Variants in WASF3 observed in about 807,000 individuals in gnomAD.
The protein encoded by WASF3 is actin-binding protein WASF3.
WASF3 carries 11 observed loss-of-function variants against 46.6 expected under a neutral mutation model. The observed-to-expected ratio is 0.24, with a 90% CI of 0.15 to 0.39. The LOEUF is 0.39. Ranked by LOEUF, WASF3 falls within the 10% of genes least tolerant of loss-of-function variation. The pLI is 1.00. For synonymous variants in WASF3, 242 were observed against 259.7 expected, an observed-to-expected ratio of 0.93 and a Z score of 0.65; for missense variants, 576 against 669.8, an observed-to-expected ratio of 0.86 and a Z score of 1.55.
intron 3 of WASF3, among the ~76,000 whole-genome samples, chr13:26,645,950 T>A (rs1882138429): frequency 6.6e-6 from 1 of 152,226 alleles, no homozygotes; most frequent in South Asian, 2.1e-4. Context: ...ATGTAAGAAC[T>A]GAAGTTACAG....
chr13:26,663,436 A>G (rs1360485180), intron 3 of WASF3, among the ~76,000 whole-genome samples: 1 of 152,176 alleles, frequency 6.6e-6, no homozygotes, highest in Non-Finnish European at 1.5e-5. Flanking sequence ...CCTTTGTGGA[A>G]CCATTTTGCA....
intron 1 of WASF3, among the ~76,000 whole-genome samples, chr13:26,586,455 C>T (rs1159120555): frequency 2.6e-5 from 4 of 152,084 alleles, no homozygotes; most frequent in Non-Finnish European, 2.9e-5. Flanking sequence ...ATATATACTG[C>T]CAGTTTCTGC....
intron 7 of WASF3, among the ~76,000 whole-genome samples, chr13:26,678,993 C>T (rs1593186413): frequency 6.6e-6 from 1 of 151,732 alleles, no homozygotes. Context: ...GCCCTCCCAG[C>T]CCTCTTCCTC....
At chr13:26,643,442 TTAA>T (rs1882060312) in intron 3 of WASF3, among the ~76,000 whole-genome samples, 1 of 152,202 alleles carries the variant, frequency 6.6e-6, no homozygotes, top group African/African-American at 2.4e-5. Flanking sequence ...GGATATATTT[TTAA>T]TAATATCTAT....
Position 26,565,185 on chromosome 13 carries a change from G to GAAAA in WASF3, c.-109+7377_-109+7380dup, listed in dbSNP as rs58508606. On this transcript the variant is annotated intron_variant, in intron 1 of 9. Coordinates refer to ENST00000335327, the MANE Select transcript of WASF3 (RefSeq NM_006646.6). Reference sequence around the variant, plus strand: ...AAAGAGTGAGACTCGGTCTCAGAAAGAAAAAAAAAAAAAAGAATTAATGTT... The same window carrying GAAAA: ...AAAGAGTGAGACTCGGTCTCAGAAAGAAAAAAAAAAAAAAAAAAGAATTAATGTT... Among the ~76,000 whole-genome samples the GAAAA allele has an allele frequency of 3.2e-4, 44 of 138,982 alleles. 1 individual carries two copies. The highest frequency in any genetic ancestry group is 2.7e-3 in the East Asian group (13 of 4,766). 91.2% of individuals were successfully genotyped at this position (138,982 alleles called of 152,430 possible).
chr13:26,588,753 C>G (rs1415400281), intron 1 of WASF3, among the ~76,000 whole-genome samples: 1 of 152,106 alleles, frequency 6.6e-6, no homozygotes, highest in Non-Finnish European at 1.5e-5. Context: ...GCTCATCTAA[C>G]AAGTTAAAAT....
chr13:26,550,455 A>T, the WASF3 span, among the ~76,000 whole-genome samples: 1 of 152,220 alleles, frequency 6.6e-6, no homozygotes, highest in Non-Finnish European at 1.5e-5. Context: ...AAGAGGAATA[A>T]TTAAAACTCA....
chr13:26,626,848 G>T (rs909714726), intron 2 of WASF3, among the ~76,000 whole-genome samples: 4 of 152,116 alleles, frequency 2.6e-5, no homozygotes, highest in African/African-American at 4.8e-5. Context: ...TTCAACAACA[G>T]ATCTTTAAAA....
upstream of WASF3, among the ~76,000 whole-genome samples, chr13:26,555,221 T>G (rs1205517648): frequency 6.6e-6 from 1 of 152,224 alleles, no homozygotes; most frequent in African/African-American, 2.4e-5. Flanking sequence ...GGTGTCTGTT[T>G]AGATCTTTTG....
intron 4 of WASF3, 67 bp from the exon 5 acceptor site, chr13:26,667,450 G>A (rs768739566): frequency 7.2e-7 from 1 of 1,385,502 alleles, no homozygotes; most frequent in Non-Finnish European, 9.8e-7. Flanking sequence ...TGAGTCAAAT[G>A]GTATTTACTT....
At chr13:26,673,095 A>G (rs1882967824) in intron 6 of WASF3, among the ~76,000 whole-genome samples, 1 of 152,208 alleles carries the variant, frequency 6.6e-6, no homozygotes, top group South Asian at 2.1e-4. Flanking sequence ...TTTAAAAAGC[A>G]TATTTACCTT....
intron 2 of WASF3, among the ~76,000 whole-genome samples, chr13:26,616,584 A>T (rs1290482487): frequency 6.6e-6 from 1 of 152,004 alleles, no homozygotes; most frequent in Non-Finnish European, 1.5e-5. Context: ...AATTTTTGGG[A>T]GCCAATATGG....
chr13:26,582,719 A>C (rs1880020556), intron 1 of WASF3, among the ~76,000 whole-genome samples: 1 of 143,882 alleles, frequency 7.0e-6, no homozygotes, highest in African/African-American at 2.6e-5. Context: ...ACAGTGTTGT[A>C]CTTAAAGAGT....
At chr13:26,603,512 G>C (rs1173313180) in intron 1 of WASF3, among the ~76,000 whole-genome samples, 1 of 152,106 alleles carries the variant, frequency 6.6e-6, no homozygotes, top group Non-Finnish European at 1.5e-5. Context: ...AGGATATAAA[G>C]CAACTTTAAG....
chr13:26,541,561 G>A, the WASF3 span, among the ~76,000 whole-genome samples: 2 of 152,122 alleles, frequency 1.3e-5, no homozygotes, highest in Non-Finnish European at 2.9e-5. Flanking sequence ...AGGCAGGCAG[G>A]CCCTAGTAGA....
intron 2 of WASF3, among the ~76,000 whole-genome samples, chr13:26,623,165 C>T (rs1379579248): frequency 6.6e-5 from 10 of 152,100 alleles, no homozygotes. Context: ...AACCAGGTAC[C>T]CCAGATACAA....
intron 2 of WASF3, among the ~76,000 whole-genome samples, chr13:26,632,779 TA>T (rs1466690644): frequency 6.6e-6 from 1 of 152,224 alleles, no homozygotes; most frequent in East Asian, 1.9e-4. Flanking sequence ...CTGGTAGAAT[TA>T]GGCTGTGAAT....
chr13:26,563,151 G>A (rs965894052), intron 1 of WASF3, among the ~76,000 whole-genome samples: 4 of 151,474 alleles, frequency 2.6e-5, no homozygotes, highest in Non-Finnish European at 5.9e-5. Context: ...ACTCTCTCCT[G>A]TCAGTGTTTT....
upstream of WASF3, among the ~76,000 whole-genome samples, chr13:26,555,834 G>T (rs1179878285): frequency 6.6e-6 from 1 of 152,198 alleles, no homozygotes; most frequent in Non-Finnish European, 1.5e-5. Flanking sequence ...TTCTGTTACA[G>T]GTCACCAATT....
Sources: allele counts gnomAD v4.1 joint callset (sites outside exome capture counted in the v4.1 genomes callset), GRCh38; gene constraint gnomAD v4.1.1; transcripts MANE v1.5; gene names NCBI Gene and HGNC (gene_info 2026-07-23, HGNC 2026-07-21).